Variants in TIAM1 observed in about 807,000 individuals in gnomAD.
TIAM1 encodes the protein rho guanine nucleotide exchange factor TIAM1.
In TIAM1, 65 loss-of-function variants were observed where a neutral mutation model predicts 163.5. That is an observed-to-expected ratio of 0.40 (90% CI 0.33 to 0.49). TIAM1 has a LOEUF of 0.49. Among genes scored for constraint, TIAM1 ranks in the 20% least tolerant of loss-of-function variants. The pLI, the probability that TIAM1 is intolerant of heterozygous loss-of-function variation, is 0.77. For synonymous variants in TIAM1, 833 were observed against 810.1 expected, an observed-to-expected ratio of 1.03 and a Z score of -0.48; for missense variants, 1,789 against 2,044.7, an observed-to-expected ratio of 0.87 and a Z score of 2.41.
chr21:31,552,293 T>C (rs557439070), intron 1 of TIAM1, among the ~76,000 whole-genome samples: 9 of 152,108 alleles, frequency 5.9e-5, no homozygotes, highest in Non-Finnish European at 1.2e-4. Flanking sequence ...GAACTTTGCA[T>C]TACTTGAGTC....
At chr21:31,204,590 C>CTT (rs1246063100) in intron 11 of TIAM1, among the ~76,000 whole-genome samples, 3 of 152,168 alleles carry the variant, frequency 2.0e-5, no homozygotes, top group Non-Finnish European at 4.4e-5. Flanking sequence ...TTCAGTTACA[C>CTT]TTAACGAACT....
At chr21:31,462,968 C>G (rs543219211) in intron 2 of TIAM1, among the ~76,000 whole-genome samples, 3 of 152,134 alleles carry the variant, frequency 2.0e-5, no homozygotes, top group Non-Finnish European at 4.4e-5. Context: ...GTCTCCAACT[C>G]CTGACGTCAG....
chr21:31,309,479 T>C (rs923397611), intron 2 of TIAM1, among the ~76,000 whole-genome samples: 4 of 151,796 alleles, frequency 2.6e-5, no homozygotes, highest in East Asian at 3.9e-4. Context: ...AATAAATGAA[T>C]AAAAAAATAA....
rs1257756462 is a variant in TIAM1 at position 31,222,643 on chromosome 21, ATGTG to A, written c.1995+759_1995+762del. Reference sequence around the variant, plus strand: ...CCATATATGGTGTATGTGTGTATGTATGTGTGTGTATATATACATACATGTACAC... The same window carrying A: ...CCATATATGGTGTATGTGTGTATGTATGTGTATATATACATACATGTACAC... On this transcript the variant is annotated intron_variant, in intron 8 of 27. Transcript: ENST00000541036. Among the ~76,000 whole-genome samples the A allele has an allele frequency of 3.7e-5, 5 of 133,672 alleles. No individual in the cohort carries two copies. In the East Asian group the frequency reaches 1.3e-3, roughly 34 times the overall value. 87.7% of individuals were successfully genotyped at this position (133,672 alleles called of 152,430 possible). A position where few individuals can be genotyped will look rare whatever the true frequency, so the allele number is the denominator to read the frequency against.
intron 2 of TIAM1, among the ~76,000 whole-genome samples, chr21:31,412,175 C>T (rs1342111573): frequency 6.6e-6 from 1 of 152,142 alleles, no homozygotes; most frequent in African/African-American, 2.4e-5. Context: ...AAGTCAGACA[C>T]AGAAAGACAA....
At chr21:31,133,238 G>A (rs1402136126) in intron 23 of TIAM1, among the ~76,000 whole-genome samples, 1 of 152,196 alleles carries the variant, frequency 6.6e-6, no homozygotes, top group Non-Finnish European at 1.5e-5. Flanking sequence ...CATGACTACA[G>A]CCTTTGTTCA....
rs554783997 is a variant in TIAM1 at position 31,439,140 on chromosome 21, A to C, written c.-369+24843T>G. Among the ~76,000 whole-genome samples the C allele has an allele frequency of 3.3e-5, 5 of 152,264 alleles. No individual in the cohort carries two copies. In the South Asian group the frequency reaches 8.3e-4, roughly 25 times the overall value. On this transcript the variant is annotated intron_variant, in intron 2 of 28. Transcript: ENST00000286827. ...TGGGGAAGGGCAGCCTGCCATCCCC[A>C]CCACCTCACCAGAGGCAGCTGAACA...
chr21:31,531,723 A>C (rs2047976900), intron 1 of TIAM1, among the ~76,000 whole-genome samples: 1 of 151,498 alleles, frequency 6.6e-6, no homozygotes, highest in Admixed American at 6.6e-5. Flanking sequence ...AAAACCACTA[A>C]ACTGAATATC....
At chr21:31,348,968 A>G (rs1164592760), upstream of TIAM1, among the ~76,000 whole-genome samples, 1 of 152,232 alleles carries the variant, frequency 6.6e-6, no homozygotes, top group Non-Finnish European at 1.5e-5. Context: ...ATACAGGGCC[A>G]GCCAAAAAGA....
At chr21:31,338,974 GA>G (rs374682746) in intron 2 of TIAM1, among the ~76,000 whole-genome samples, 25 of 152,120 alleles carry the variant, frequency 1.6e-4, no homozygotes, top group African/African-American at 6.0e-4. Flanking sequence ...AGAGAAGTCA[GA>G]AAGACAGAGG....
chr21:31,324,796 C>A (rs1012455567), intron 2 of TIAM1, among the ~76,000 whole-genome samples: 1 of 152,130 alleles, frequency 6.6e-6, no homozygotes, highest in Non-Finnish European at 1.5e-5. Flanking sequence ...GATTTGGTTT[C>A]CAAACAACAA....
intron 15 of TIAM1, among the ~76,000 whole-genome samples, chr21:31,177,947 C>G (rs2084843249): frequency 6.6e-6 from 1 of 152,174 alleles, no homozygotes; most frequent in African/African-American, 2.4e-5. Context: ...TCCACCTTAA[C>G]TTACTCCCAT....
chr21:31,490,962 T>A (rs780951093), intron 1 of TIAM1, among the ~76,000 whole-genome samples: 19 of 152,056 alleles, frequency 1.2e-4, no homozygotes, highest in Non-Finnish European at 2.5e-4. Context: ...CCGTCTCTAC[T>A]AAAAATACAA....
chr21:31,416,607 A>C (rs1347475667), intron 2 of TIAM1, among the ~76,000 whole-genome samples: 3 of 152,230 alleles, frequency 2.0e-5, no homozygotes, highest in Non-Finnish European at 2.9e-5. Flanking sequence ...TTCACCTAGA[A>C]TAATGGCCTC....
chr21:31,427,436 G>A (rs543439123), intron 2 of TIAM1, among the ~76,000 whole-genome samples: 13 of 152,070 alleles, frequency 8.5e-5, no homozygotes, highest in East Asian at 3.9e-4. Context: ...GCAGTGAGCC[G>A]AGATTATGCC....
At chr21:31,323,168 GTCCCAGCTAC>G (rs1040872553) in intron 2 of TIAM1, among the ~76,000 whole-genome samples, 1 of 151,726 alleles carries the variant, frequency 6.6e-6, no homozygotes, top group African/African-American at 2.4e-5. Context: ...CCCGCCTGTA[GTCCCAGCTAC>G]TCGGGAGGCT....
Position 31,182,570 on chromosome 21 carries a change from T to C in TIAM1, c.2738A>G (p.Asp913Gly), listed in dbSNP as rs771245019. ...GCCCAGCGAGGGCTGTGAGAGGAAA[T>C]CTTTGAGCATAGAAGAGTTCAGGGC... is the stretch of plus-strand genomic sequence containing the variant. ...ADALNSSMLK[D>G]FLSQPSLGLL... Residue 913 changes from aspartate to glycine, a missense_variant, in exon 15 of 28, where the codon GAT (aspartate) becomes GGT (glycine). Around this residue, in one of 5 missense-constraint regions of TIAM1, gnomAD observed 303 missense variants for 321.3 expected, o/e 0.94. Coordinates refer to ENST00000541036, the MANE Select transcript of TIAM1 (RefSeq NM_001353694.2). 6.2e-7 allele frequency: 1 copy of C among 1,614,074 alleles called. No homozygotes were observed. The highest frequency in any genetic ancestry group is 1.1e-5 in the South Asian group (1 of 91,036).
At chr21:31,408,248 A>G (rs554266233) in intron 2 of TIAM1, among the ~76,000 whole-genome samples, 78 of 152,304 alleles carry the variant, frequency 5.1e-4, no homozygotes, top group African/African-American at 1.8e-3. Flanking sequence ...TTTGTGGCCA[A>G]AATCTTACAC....
intron 2 of TIAM1, among the ~76,000 whole-genome samples, chr21:31,431,085 T>C (rs2833406): frequency 0.2 from 29,844 of 152,162 alleles, 3,030 homozygotes; most frequent in African/African-American, 0.22. Context: ...TCTGTACTTC[T>C]GCATGTATGG....
Sources: gnomAD v4.1 joint callset for allele counts (sites outside exome capture counted in the v4.1 genomes callset) on GRCh38, gnomAD v4.1.1 for gene constraint, gnomAD v4.1.1 regional missense constraint, MANE v1.5 for transcripts, NCBI Gene and HGNC (gene_info 2026-07-23, HGNC 2026-07-21) for gene names.